The following NRXN1 variants were observed in gnomAD, a reference collection of about 807,000 sequenced individuals.
The protein encoded by NRXN1 is neurexin 1.
In NRXN1, 39 loss-of-function variants were observed where a neutral mutation model predicts 150.9. That is an observed-to-expected ratio of 0.26 (90% confidence interval 0.20 to 0.34). The LOEUF (loss-of-function observed/expected upper bound fraction) is 0.34, where lower values mean the gene tolerates loss of function less well. Ranked by LOEUF, NRXN1 falls within the 10% of genes least tolerant of loss-of-function variation. The probability of loss-of-function intolerance (pLI) is 1.00; values close to 1 mark genes in which losing one functional copy is unlikely to be tolerated. For synonymous variants in NRXN1, 924 were observed against 757.0 expected, an observed-to-expected ratio of 1.22 and a Z score of -3.62; for missense variants, 1,815 against 1,949.9, an observed-to-expected ratio of 0.93 and a Z score of 1.30.
chr2:50,895,904 C>T (rs538378430), intron 5 of NRXN1, among the ~76,000 whole-genome samples: 1 of 151,938 alleles, frequency 6.6e-6, no homozygotes, highest in Non-Finnish European at 1.5e-5. Context: ...TATGTAAGGG[C>T]ATTGACATTC....
At chr2:50,484,973 T>C (rs1484489618) in intron 15 of NRXN1, among the ~76,000 whole-genome samples, 1 of 152,206 alleles carries the variant, frequency 6.6e-6, no homozygotes, top group African/African-American at 2.4e-5. Context: ...TTTCAAATAT[T>C]TTGGCAAATA....
intron 8 of NRXN1, among the ~76,000 whole-genome samples, chr2:50,555,267 T>C (rs1034084129): frequency 1.3e-5 from 2 of 152,174 alleles, no homozygotes; most frequent in Admixed American, 1.3e-4. Context: ...TGTAAAAGAA[T>C]TGAGTGTTTC....
At chr2:50,708,334 G>A (rs1442796411) in intron 5 of NRXN1, among the ~76,000 whole-genome samples, 1 of 152,122 alleles carries the variant, frequency 6.6e-6, no homozygotes, top group Admixed American at 6.6e-5. Context: ...GAATGCACAG[G>A]TTAACTGAAT....
intron 21 of NRXN1, among the ~76,000 whole-genome samples, chr2:50,038,800 C>T (rs1289427119): frequency 7.0e-6 from 1 of 143,646 alleles, no homozygotes; most frequent in Non-Finnish European, 1.5e-5. Flanking sequence ...CCCACCCTCC[C>T]TCCCTCCCTC....
At chr2:50,843,251 T>C (rs769879373) in intron 5 of NRXN1, among the ~76,000 whole-genome samples, 1 of 152,148 alleles carries the variant, frequency 6.6e-6, no homozygotes, top group Non-Finnish European at 1.5e-5. Context: ...ATTAACTCCT[T>C]TAATTAAAAC....
At chr2:50,252,814 C>T (rs971844617) in intron 17 of NRXN1, among the ~76,000 whole-genome samples, 1 of 152,054 alleles carries the variant, frequency 6.6e-6, no homozygotes, top group Non-Finnish European at 1.5e-5. Context: ...GTTACTGTAG[C>T]CTTGTAGTAT....
intron 17 of NRXN1, among the ~76,000 whole-genome samples, chr2:50,448,831 C>T (rs927972433): frequency 1.3e-5 from 2 of 151,988 alleles, no homozygotes; most frequent in Admixed American, 1.3e-4. Context: ...AAGCACGTGG[C>T]TCCACATAAA....
At chr2:50,664,971 G>GA (rs972383414) in intron 5 of NRXN1, among the ~76,000 whole-genome samples, 1 of 151,762 alleles carries the variant, frequency 6.6e-6, no homozygotes, top group Non-Finnish European at 1.5e-5. Context: ...TTTCAGAAGA[G>GA]AAAAAACAAA....
intron 8 of NRXN1, among the ~76,000 whole-genome samples, chr2:50,555,096 C>G (rs952225891): frequency 6.6e-6 from 1 of 152,140 alleles, no homozygotes; most frequent in African/African-American, 2.4e-5. Context: ...CTATGACTTT[C>G]ATGCTACTTA....
chr2:50,907,133 A>G (rs1344361977), intron 5 of NRXN1, among the ~76,000 whole-genome samples: 1 of 151,474 alleles, frequency 6.6e-6, no homozygotes, highest in African/African-American at 2.4e-5. Context: ...ATTGCCCTAT[A>G]CTCTGGAGGG....
Position 50,623,447 on chromosome 2 carries a change from G to A in NRXN1, c.1001C>T (p.Ala334Val). ...TGKSADYVNLALKNGAVSLVI... is the reference protein window; with the variant it reads ...TGKSADYVNLVLKNGAVSLVI... ...CAGAGAGACAGCTCCATTTTTCAGG[G>A]CAAGATTGACATAATCAGCCGATTT... Residue 334 changes from alanine (A) to valine (V), a missense_variant, in exon 6 of 23, where the codon GCC (alanine) becomes GTC (valine). By Grantham distance (64) the Ala-to-Val change is moderately conservative. This residue lies in a region of NRXN1 where 554 missense variants were observed against 478.8 expected (regional missense o/e 1.16). Transcript: ENST00000401669. The A allele has an allele frequency of 6.2e-7, 1 of 1,613,364 alleles. No individual in the cohort carries two copies. Among genetic ancestry groups the A allele is most frequent in the Non-Finnish European group, 8.5e-7 (1 of 1,179,508 alleles).
At chr2:50,188,399 A>T (rs2061227406) in intron 18 of NRXN1, among the ~76,000 whole-genome samples, 1 of 152,206 alleles carries the variant, frequency 6.6e-6, no homozygotes, top group African/African-American at 2.4e-5. Flanking sequence ...CTGAAATGTA[A>T]GACCTAAAAC....
At chr2:50,773,058 C>T (rs1012438886) in intron 5 of NRXN1, among the ~76,000 whole-genome samples, 4 of 152,162 alleles carry the variant, frequency 2.6e-5, no homozygotes, top group African/African-American at 9.6e-5. Context: ...TATTAGATCC[C>T]AGTAACAAGC....
chr2:50,028,822 G>C (rs755726712), intron 21 of NRXN1, among the ~76,000 whole-genome samples: 3 of 152,156 alleles, frequency 2.0e-5, no homozygotes, highest in Non-Finnish European at 4.4e-5. Context: ...TTCTGACAGT[G>C]GTTGTATTAG....
chr2:50,558,078 A>G (rs1261445144), intron 8 of NRXN1, among the ~76,000 whole-genome samples: 1 of 152,190 alleles, frequency 6.6e-6, no homozygotes, highest in Non-Finnish European at 1.5e-5. Context: ...CCACCACAAC[A>G]ATCAGTTAAG....
intron 5 of NRXN1, among the ~76,000 whole-genome samples, chr2:50,676,567 G>A (rs1484770913): frequency 1.3e-5 from 2 of 152,114 alleles, no homozygotes; most frequent in Admixed American, 6.6e-5. Context: ...TTAACTAGTT[G>A]TTATGAAAAT....
chr2:50,902,560 C>G (rs1683105005), intron 5 of NRXN1, among the ~76,000 whole-genome samples: 1 of 152,130 alleles, frequency 6.6e-6, no homozygotes, highest in Non-Finnish European at 1.5e-5. Flanking sequence ...TGAGACAGCA[C>G]TGGATGTATT....
At chr2:50,542,992 T>C (rs2093422223) in intron 9 of NRXN1, among the ~76,000 whole-genome samples, 1 of 152,154 alleles carries the variant, frequency 6.6e-6, no homozygotes, top group African/African-American at 2.4e-5. Flanking sequence ...CACATCAAAT[T>C]AATATTTAAA....
intron 17 of NRXN1, among the ~76,000 whole-genome samples, chr2:50,329,671 ATATT>A (rs1456498044): frequency 0.02 from 422 of 20,646 alleles, 54 homozygotes; most frequent in South Asian, 0.029. Context: ...ATATATATAT[ATATT>A]TTTTTTTTTC....
Sources: gnomAD v4.1 joint callset for allele counts (sites outside exome capture counted in the v4.1 genomes callset) on GRCh38, gnomAD v4.1.1 for gene constraint, gnomAD v4.1.1 regional missense constraint, MANE v1.5 for transcripts, NCBI Gene and HGNC (gene_info 2026-07-23, HGNC 2026-07-21) for gene names.